The following IMMP2L variants were observed in gnomAD, a reference collection of about 807,000 sequenced individuals.
IMMP2L encodes mitochondrial inner membrane protease subunit 2.
A neutral mutation model predicts 19.3 loss-of-function variants in IMMP2L; 18 were observed. The observed-to-expected ratio is 0.93, with a 90% confidence interval of 0.64 to 1.38. IMMP2L has a LOEUF of 1.38. Ranked by LOEUF, IMMP2L falls within the 40% of genes most tolerant of loss-of-function variation. The pLI, the probability that IMMP2L is intolerant of heterozygous loss-of-function variation, is 0.00. For missense variants in IMMP2L, 233 were observed against 218.2 expected, an observed-to-expected ratio of 1.07 and a Z score of -0.43; for synonymous variants, 76 against 73.0, an observed-to-expected ratio of 1.04 and a Z score of -0.21.
intron 3 of IMMP2L, among the ~76,000 whole-genome samples, chr7:111,429,587 T>C (rs574380784): frequency 6.6e-6 from 1 of 151,966 alleles, no homozygotes; most frequent in South Asian, 2.1e-4. Context: ...CCTGATTTCA[T>C]ATTTATGAAA....
chr7:110,827,156 G>T (rs1484153907), intron 5 of IMMP2L, among the ~76,000 whole-genome samples: 1 of 152,066 alleles, frequency 6.6e-6, no homozygotes, highest in East Asian at 1.9e-4. Flanking sequence ...ATACCCAGGG[G>T]TTTATAGACT....
intron 3 of IMMP2L, among the ~76,000 whole-genome samples, chr7:111,074,861 A>G (rs927661817): frequency 6.6e-6 from 1 of 152,194 alleles, no homozygotes; most frequent in Non-Finnish European, 1.5e-5. Flanking sequence ...AATGCGGAAA[A>G]TATCAAGAGA....
At chr7:110,866,191 C>T (rs1807961835) in intron 5 of IMMP2L, among the ~76,000 whole-genome samples, 1 of 151,768 alleles carries the variant, frequency 6.6e-6, no homozygotes, top group Admixed American at 6.6e-5. Context: ...TGTTACTCTA[C>T]TTTAGGAAAT....
intron 5 of IMMP2L, among the ~76,000 whole-genome samples, chr7:110,674,141 G>A (rs1351451429): frequency 1.3e-5 from 2 of 152,136 alleles, no homozygotes; most frequent in Admixed American, 1.3e-4. Context: ...TTACAATCAT[G>A]GCAGAAGGGG....
chr7:111,120,919 T>C (rs1436967316), intron 3 of IMMP2L, among the ~76,000 whole-genome samples: 1 of 151,242 alleles, frequency 6.6e-6, no homozygotes, highest in Non-Finnish European at 1.5e-5. Context: ...TGGCCTTTTA[T>C]GTTGCCTCTC....
intron 5 of IMMP2L, among the ~76,000 whole-genome samples, chr7:110,792,770 A>C (rs1273905053): frequency 6.6e-6 from 1 of 152,066 alleles, no homozygotes; most frequent in Non-Finnish European, 1.5e-5. Context: ...ACATACAATG[A>C]ATGACATGTA....
At chr7:110,665,003 T>C (rs1444747615) in intron 5 of IMMP2L, 1 of 152,186 alleles carries the variant, frequency 6.6e-6, no homozygotes, top group East Asian at 1.9e-4. Context: ...GAACTGGATG[T>C]CAGGGAAGGC....
At chr7:111,050,277 C>T (rs1002710549) in intron 3 of IMMP2L, among the ~76,000 whole-genome samples, 1 of 152,090 alleles carries the variant, frequency 6.6e-6, no homozygotes, top group Non-Finnish European at 1.5e-5. Flanking sequence ...ATTTTGAAGC[C>T]AAATTCACCA....
chr7:110,679,564 G>A (rs1236320186), intron 5 of IMMP2L, among the ~76,000 whole-genome samples: 1 of 152,084 alleles, frequency 6.6e-6, no homozygotes, highest in Non-Finnish European at 1.5e-5. Flanking sequence ...GGCAGCCACC[G>A]AGACAGACTA....
chr7:110,820,666 A>G (rs1224755576), intron 5 of IMMP2L, among the ~76,000 whole-genome samples: 2 of 152,176 alleles, frequency 1.3e-5, no homozygotes, highest in East Asian at 1.9e-4. Flanking sequence ...AAATTTATCA[A>G]TAAAGGAGAA....
intron 3 of IMMP2L, among the ~76,000 whole-genome samples, chr7:111,310,580 T>C (rs1223813665): frequency 1.3e-5 from 2 of 152,180 alleles, no homozygotes; most frequent in South Asian, 2.1e-4. Flanking sequence ...AAATGTTCTT[T>C]GGTTTAAAAT....
chr7:111,302,525 C>T (rs1388802648), intron 3 of IMMP2L, among the ~76,000 whole-genome samples: 1 of 152,098 alleles, frequency 6.6e-6, no homozygotes, highest in African/African-American at 2.4e-5. Context: ...TGTGCAGGCA[C>T]ATGCGGGCTC....
chr7:111,310,573 T>C (rs983589366), intron 3 of IMMP2L, among the ~76,000 whole-genome samples: 1 of 152,112 alleles, frequency 6.6e-6, no homozygotes, highest in African/African-American at 2.4e-5. Context: ...TTCTAAGAAA[T>C]GTTCTTTGGT....
chr7:110,825,658 C>T lies in IMMP2L; in HGVS notation c.408+60935G>A, dbSNP rs554579660. Among the ~76,000 whole-genome samples, 31 of 152,234 alleles carry T rather than the reference C, an allele frequency of 2.0e-4. No homozygotes were observed. The South Asian group carries it at 5.0e-3, about 24-fold the overall frequency. Reference sequence around the variant, plus strand: ...TATGTAGAAAGCTGAAACTGGATCCCTTCCTTACACCTTATACAAAAATTA... The same window carrying T: ...TATGTAGAAAGCTGAAACTGGATCCTTTCCTTACACCTTATACAAAAATTA... On this transcript the variant is annotated intron_variant, in intron 5 of 5. Coordinates refer to ENST00000405709, the MANE Select transcript of IMMP2L (RefSeq NM_032549.4).
intron 3 of IMMP2L, among the ~76,000 whole-genome samples, chr7:111,386,651 A>AT (rs1436792420): frequency 6.6e-6 from 1 of 152,158 alleles, no homozygotes; most frequent in Middle Eastern, 3.2e-3. Flanking sequence ...GACTCATGAT[A>AT]AACTGTAAAT....
At chr7:111,359,229 C>T (rs1468343803) in intron 3 of IMMP2L, among the ~76,000 whole-genome samples, 2 of 152,102 alleles carry the variant, frequency 1.3e-5, no homozygotes, top group Non-Finnish European at 1.5e-5. Flanking sequence ...TGTCCAAACT[C>T]TACTTTCATG....
At chr7:111,236,499 A>C (rs2129626898) in intron 3 of IMMP2L, among the ~76,000 whole-genome samples, 1 of 152,238 alleles carries the variant, frequency 6.6e-6, no homozygotes, top group South Asian at 2.1e-4. Flanking sequence ...AACATGAATA[A>C]TTCCCAGCCC....
chr7:111,494,948 T>C (rs1267533452), intron 2 of IMMP2L, among the ~76,000 whole-genome samples: 1 of 152,164 alleles, frequency 6.6e-6, no homozygotes, highest in Non-Finnish European at 1.5e-5. Flanking sequence ...AAATTCTTTG[T>C]TGATTGTTTC....
intron 3 of IMMP2L, among the ~76,000 whole-genome samples, chr7:111,171,271 A>T (rs1163405756): frequency 1.3e-5 from 2 of 151,712 alleles, no homozygotes; most frequent in African/African-American, 4.8e-5. Context: ...TACATTTTAA[A>T]TTATCATGAA....
Sources: allele counts gnomAD v4.1 joint callset (sites outside exome capture counted in the v4.1 genomes callset), GRCh38; gene constraint gnomAD v4.1.1; transcripts MANE v1.5; gene names NCBI Gene and HGNC (gene_info 2026-07-23, HGNC 2026-07-21).